The following UNC5D variants were observed in gnomAD, a reference collection of about 807,000 sequenced individuals.
The protein encoded by UNC5D is unc-5 netrin receptor D.
In UNC5D, 39 loss-of-function variants were observed where a neutral mutation model predicts 105.4. That is an observed-to-expected ratio of 0.37 (90% CI 0.29 to 0.48). UNC5D has a LOEUF of 0.48. UNC5D is among the 20% of genes least tolerant of loss of function. UNC5D has a pLI of 0.98. For synonymous variants in UNC5D, 452 were observed against 450.4 expected (o/e 1.00, Z -0.04); for missense variants, 991 against 1,202.4 (o/e 0.82, Z 2.60).
chr8:35,758,101 A>T (rs1410045900), intron 13 of UNC5D, among the ~76,000 whole-genome samples: 4 of 152,166 alleles, frequency 2.6e-5, no homozygotes, highest in African/African-American at 9.7e-5. Flanking sequence ...CACCCTTCCC[A>T]CAAGCAACAC....
chr8:35,748,479 C>A, intron 11 of UNC5D, 48 bp from the exon 12 acceptor site: 2 of 1,563,758 alleles, frequency 1.3e-6, no homozygotes, highest in South Asian at 1.2e-5. Context: ...TCAAATATGG[C>A]CCCTCCTCTA....
Position 35,560,101 on chromosome 8 carries a change from A to G in UNC5D, c.323-7997A>G, listed in dbSNP as rs548208485. Among the ~76,000 whole-genome samples, 9 of 152,384 alleles carry G rather than the reference A, an allele frequency of 5.9e-5. 1 individual carries two copies. The South Asian group carries it at 1.7e-3, about 28-fold the overall frequency. The stretch of plus-strand genomic sequence containing the variant: ...TGTATATTCTCTAAGACTCTACTCC[A>G]TAACAAAGGCTGATGGTTATAATTT... On this transcript the variant is annotated intron_variant, in intron 2 of 16. Coordinates refer to ENST00000404895, the MANE Select transcript of UNC5D (RefSeq NM_080872.4).
rs758290242 is a variant in UNC5D, at chr8:35,683,696, G to A, written c.720G>A (p.Arg240=). The A allele has an allele frequency of 1.3e-6, 2 of 1,555,080 alleles. No homozygotes were observed. The highest frequency in any genetic ancestry group is 1.7e-6 in the Non-Finnish European group (2 of 1,159,966). Residue 240 remains arginine, a synonymous_variant, in exon 5 of 17, where the codon AGG becomes AGA. Transcript: ENST00000404895. ...TGGCAGCCAACATCGTGGCTAAGAG[G>A]AGAAGCCTGTCGGCCACTGTTGTGG... ...TCMAANIVAK[R]RSLSATVVVY...
At chr8:35,631,738 A>G (rs889003485) in intron 4 of UNC5D, among the ~76,000 whole-genome samples, 1 of 152,160 alleles carries the variant, frequency 6.6e-6, no homozygotes, top group Non-Finnish European at 1.5e-5. Flanking sequence ...CCATAATATA[A>G]GGATATTGAC....
chr8:35,658,409 G>A lies in UNC5D; in HGVS notation c.571-25138G>A, dbSNP rs1316982945. On this transcript the variant is annotated intron_variant, in intron 4 of 16. Coordinates refer to ENST00000404895, the MANE Select transcript of UNC5D (RefSeq NM_080872.4). ...CTATATGTATTGCACCATCTTTGAAGCCAGGGGATATGTCTGCTAGTCTTT... is the reference window on the plus strand; with the variant it reads ...CTATATGTATTGCACCATCTTTGAAACCAGGGGATATGTCTGCTAGTCTTT... 3.3e-5 allele frequency among the ~76,000 whole-genome samples: 5 copies of A among 152,120 alleles called. No homozygotes were observed. In the East Asian group the frequency reaches 7.7e-4, roughly 23 times the overall value.
chr8:35,709,874 T>G (rs1827829838), intron 8 of UNC5D, among the ~76,000 whole-genome samples: 1 of 152,014 alleles, frequency 6.6e-6, no homozygotes, highest in African/African-American at 2.4e-5. Context: ...GACCAGGATG[T>G]CTGCAACAGA....
At chr8:35,237,340 G>A (rs1802540326) in intron 1 of UNC5D, among the ~76,000 whole-genome samples, 2 of 151,864 alleles carry the variant, frequency 1.3e-5, no homozygotes, top group Non-Finnish European at 1.5e-5. Context: ...AATTTACTAC[G>A]TACGGCAAAT....
intron 4 of UNC5D, among the ~76,000 whole-genome samples, chr8:35,598,170 C>G (rs1819610436): frequency 6.6e-6 from 1 of 152,170 alleles, no homozygotes; most frequent in South Asian, 2.1e-4. Context: ...TTGCTTCCCC[C>G]ACTCCACCTT....
chr8:35,494,277 A>C (rs941713431), intron 1 of UNC5D, among the ~76,000 whole-genome samples: 9 of 152,204 alleles, frequency 5.9e-5, no homozygotes, highest in African/African-American at 1.7e-4. Context: ...AATGCTCCTT[A>C]GACTTTAATC....
intron 16 of UNC5D, among the ~76,000 whole-genome samples, chr8:35,783,636 A>AT (rs1224617097): frequency 2.6e-5 from 4 of 152,130 alleles, no homozygotes; most frequent in Non-Finnish European, 5.9e-5. Context: ...CATTGCTGTT[A>AT]TCTAATCTCT....
At chr8:35,387,362 CAAAA>C (rs745672033) in intron 1 of UNC5D, among the ~76,000 whole-genome samples, 1 of 114,124 alleles carries the variant, frequency 8.8e-6, no homozygotes, top group Non-Finnish European at 1.8e-5. Context: ...GACTCCATCT[CAAAA>C]AAAAAAAAAG....
chr8:35,526,345 TATA>T (rs1440288229), intron 1 of UNC5D, among the ~76,000 whole-genome samples: 2 of 152,182 alleles, frequency 1.3e-5, no homozygotes, highest in Non-Finnish European at 1.5e-5. Context: ...ACACTGCAGC[TATA>T]ATAATAGTGG....
intron 1 of UNC5D, among the ~76,000 whole-genome samples, chr8:35,401,155 T>A (rs893760614): frequency 6.6e-5 from 10 of 152,110 alleles, no homozygotes; most frequent in African/African-American, 2.4e-4. Flanking sequence ...ATGATAAAGA[T>A]ACTGCTATAA....
rs1332720541 is a variant in UNC5D, at chr8:35,248,723, A to T, written c.103+12836A>T. ...AAAATATATAATATATATAAAATAT[A>T]TAAAAATATATAATATATATAAAAT... On this transcript the variant is annotated intron_variant, in intron 1 of 16. Coordinates refer to ENST00000404895, the MANE Select transcript of UNC5D (RefSeq NM_080872.4). Among the ~76,000 whole-genome samples, 38 of 99,390 alleles carry T rather than the reference A, an allele frequency of 3.8e-4. No individual in the cohort carries two copies. The East Asian group carries it at 0.012, about 31-fold the overall frequency. The allele number at this position is 99,390 out of a possible 152,430, so 65.2% of individuals were successfully genotyped here.
At chr8:35,304,532 A>T (rs1325023020) in intron 1 of UNC5D, among the ~76,000 whole-genome samples, 9 of 152,080 alleles carry the variant, frequency 5.9e-5, no homozygotes, top group Non-Finnish European at 1.3e-4. Flanking sequence ...CTTTTTAATG[A>T]AAATTGTTCA....
At chr8:35,441,350 G>A (rs1563421599) in intron 1 of UNC5D, among the ~76,000 whole-genome samples, 1 of 151,852 alleles carries the variant, frequency 6.6e-6, no homozygotes, top group Non-Finnish European at 1.5e-5. Context: ...TATTTTATTA[G>A]TTATTAATCT....
At chr8:35,586,478 G>A (rs773141382) in intron 3 of UNC5D, among the ~76,000 whole-genome samples, 32 of 152,126 alleles carry the variant, frequency 2.1e-4, no homozygotes, top group Non-Finnish European at 4.0e-4. Flanking sequence ...CAGGGCTGGA[G>A]GATTGAGGTG....
intron 1 of UNC5D, among the ~76,000 whole-genome samples, chr8:35,470,010 A>G (rs569145674): frequency 2.2e-4 from 33 of 152,348 alleles, no homozygotes; most frequent in African/African-American, 7.9e-4. Context: ...TTGTAAACAT[A>G]GTGCTGGACA....
At chr8:35,402,423 C>T (rs1356524853) in intron 1 of UNC5D, among the ~76,000 whole-genome samples, 1 of 151,928 alleles carries the variant, frequency 6.6e-6, no homozygotes, top group African/African-American at 2.4e-5. Context: ...CTTACCACCA[C>T]CGGAACAGTA....
Sources: gnomAD v4.1 joint callset for allele counts (sites outside exome capture counted in the v4.1 genomes callset) on GRCh38, gnomAD v4.1.1 for gene constraint, MANE v1.5 for transcripts, NCBI Gene and HGNC (gene_info 2026-07-23, HGNC 2026-07-21) for gene names.